Variants in GGA2 observed in about 807,000 individuals in gnomAD.
GGA2 encodes ADP-ribosylation factor-binding protein GGA2.
In GGA2, 48 loss-of-function variants were observed where a neutral mutation model predicts 79.5. The ratio of observed to expected loss-of-function variants is 0.60; its 90% CI spans 0.48 to 0.77. The LOEUF is 0.77. GGA2 is among the 30% of genes least tolerant of loss of function. The probability of loss-of-function intolerance (pLI) is 0.00; values close to 1 mark genes in which losing one functional copy is unlikely to be tolerated. For missense variants in GGA2, 770 were observed against 774.0 expected, an observed-to-expected ratio of 0.99 and a Z score of 0.06; for synonymous variants, 317 against 302.0, an observed-to-expected ratio of 1.05 and a Z score of -0.51.
intron 3 of GGA2, 28 bp downstream of exon 3, chr16:23,494,275 G>A: frequency 2.1e-6 from 3 of 1,453,954 alleles, no homozygotes; most frequent in Non-Finnish European, 2.9e-6. Flanking sequence ...GACAGGAAAG[G>A]TTAGGCTACA....
At chr16:23,509,835 CT>C (rs1057505987) in intron 1 of GGA2, among the ~76,000 whole-genome samples, 5 of 151,170 alleles carry the variant, frequency 3.3e-5, no homozygotes, top group African/African-American at 1.2e-4. Flanking sequence ...TAAAAAATTT[CT>C]TTTTGACGCG....
At chr16:23,489,178 G>A (rs1271859151) in intron 5 of GGA2, among the ~76,000 whole-genome samples, 1 of 152,168 alleles carries the variant, frequency 6.6e-6, no homozygotes, top group Non-Finnish European at 1.5e-5. Flanking sequence ...ACACAAAGGT[G>A]GGAACTATCA....
At chr16:23,496,457 C>T (rs781245596) in intron 1 of GGA2, among the ~76,000 whole-genome samples, 2 of 152,066 alleles carry the variant, frequency 1.3e-5, no homozygotes, top group Non-Finnish European at 2.9e-5. Flanking sequence ...AGAGAGGCCA[C>T]CTGGAAGTGT....
At chr16:23,470,438 T>C (rs1964495776) in intron 14 of GGA2, among the ~76,000 whole-genome samples, 3 of 152,120 alleles carry the variant, frequency 2.0e-5, no homozygotes, top group African/African-American at 2.4e-5. Context: ...ATACGATCAT[T>C]ATTAAAATAA....
At chr16:23,513,020 A>G (rs1448526354), upstream of GGA2, among the ~76,000 whole-genome samples, 1 of 152,008 alleles carries the variant, frequency 6.6e-6, no homozygotes, top group Admixed American at 6.6e-5. Context: ...AAAATCTTTA[A>G]TACATATTTA....
chr16:23,500,184 G>A (rs371717799), intron 1 of GGA2, among the ~76,000 whole-genome samples: 9 of 152,352 alleles, frequency 5.9e-5, no homozygotes, highest in African/African-American at 1.7e-4. Flanking sequence ...GGTGGGGTGC[G>A]GGCTGCTAGT....
In GGA2 at chr16:23,467,657, C is replaced by T. The variant is rs148356247; in HGVS notation, c.1775G>A (p.Gly592Glu). ...TTCTCCTACTTCGCTGAAAGGCTGT[C>T]CACCTTGGTTGAATGTCAGCTTGTA... ...LRYKLTFNQG[G>E]QPFSEVGEVK... The change falls in exon 17 of 17, where the codon GGA becomes GAA. Residue 592 changes from glycine to glutamate, a missense_variant. Gly to Glu is a moderately conservative substitution (Grantham distance 98). Coordinates refer to ENST00000309859, the MANE Select transcript of GGA2 (RefSeq NM_015044.4). 1 of 1,609,826 alleles carries T rather than the reference C, an allele frequency of 6.2e-7. No homozygotes were observed. Among genetic ancestry groups the T allele is most frequent in the Non-Finnish European group, 8.5e-7 (1 of 1,176,152 alleles).
intron 6 of GGA2, among the ~76,000 whole-genome samples, chr16:23,487,431 A>G (rs546382760): frequency 6.6e-6 from 1 of 152,276 alleles, no homozygotes; most frequent in African/African-American, 2.4e-5. Flanking sequence ...AACATCCTAC[A>G]GTGCACAGGA....
Position 23,491,724 on chromosome 16 carries a change from G to A in GGA2, c.428C>T (p.Pro143Leu), listed in dbSNP as rs758751355. 1.9e-6 allele frequency: 3 copies of A among 1,612,454 alleles called. No homozygotes were observed. The highest frequency in any genetic ancestry group is 1.1e-5 in the South Asian group (1 of 91,048). ...AGCGTCTCGAATCTTGATGTCTTCCGGAAACCAGACTGTCCAACTGAAGAG... is the reference window on the plus strand; with the variant it reads ...AGCGTCTCGAATCTTGATGTCTTCCAGAAACCAGACTGTCCAACTGAAGAG... ...EILFSWTVWF[P>L]EDIKIRDAYQ... Residue 143 changes from proline (P) to leucine (L), a missense_variant, in exon 5 of 17, where the codon CCG becomes CTG. Physicochemically the swap from Pro to Leu is moderately conservative, Grantham distance 98 (BLOSUM62 -3). Coordinates refer to ENST00000309859, the MANE Select transcript of GGA2 (RefSeq NM_015044.4).
In GGA2 at chr16:23,479,643, C is replaced by T. The variant is rs1052829882; in HGVS notation, c.1129+122G>A. On this transcript the variant is annotated intron_variant, in intron 11 of 16. Coordinates refer to ENST00000309859, the MANE Select transcript of GGA2 (RefSeq NM_015044.4). Reference sequence around the variant, plus strand: ...CGTGCTCCCAGAGGGAACCAGCTCACTCTTCCTATTCACAACCATCTCGAC... The same window carrying T: ...CGTGCTCCCAGAGGGAACCAGCTCATTCTTCCTATTCACAACCATCTCGAC... 6 of 1,169,292 alleles carry T rather than the reference C, an allele frequency of 5.1e-6. No individual in the cohort carries two copies. In the African/African-American group the frequency reaches 6.1e-5, roughly 12 times the overall value. The allele number at this position is 1,169,292 out of a possible 1,614,324, so 72.4% of individuals were successfully genotyped here. A position where few individuals can be genotyped will look rare whatever the true frequency, so the allele number is the denominator to read the frequency against.
At chr16:23,494,269 G>A (rs768656493) in intron 3 of GGA2, 34 bp downstream of exon 3, 2 of 1,385,230 alleles carry the variant, frequency 1.4e-6, no homozygotes, top group Admixed American at 1.7e-5. Context: ...CACAAGGACA[G>A]GAAAGGTTAG....
chr16:23,478,306 C>A (rs1964601940), intron 13 of GGA2, 62 bp downstream of exon 13: 1 of 1,392,466 alleles, frequency 7.2e-7, no homozygotes, highest in Non-Finnish European at 9.7e-7. Context: ...GGCCCTTGTC[C>A]CATGAGAAGG....
upstream of GGA2, among the ~76,000 whole-genome samples, chr16:23,513,700 A>G (rs1021665924): frequency 1.3e-5 from 2 of 150,168 alleles, no homozygotes; most frequent in African/African-American, 4.9e-5. Context: ...CAGGAGGACC[A>G]CTTGAGCCTG....
intron 13 of GGA2, among the ~76,000 whole-genome samples, chr16:23,476,402 A>G (rs1964577285): frequency 6.6e-6 from 1 of 152,184 alleles, no homozygotes; most frequent in South Asian, 2.1e-4. Flanking sequence ...GACAGGATCT[A>G]TGAAAATGTT....
chr16:23,466,769 CAAGT>C lies in GGA2; in HGVS notation c.*817_*820del, dbSNP rs1280761470. Reference sequence around the variant, plus strand: ...TGACATGGTGTGTCACAAAGAGCTCCAAGTAAATGCTGTGAAGGAAGAGGATGAG... The same window carrying C: ...TGACATGGTGTGTCACAAAGAGCTCCAAATGCTGTGAAGGAAGAGGATGAG... On this transcript the variant is annotated 3_prime_UTR_variant, in exon 17 of 17. Coordinates refer to ENST00000309859, the MANE Select transcript of GGA2 (RefSeq NM_015044.4). The C allele has an allele frequency of 6.5e-6, 1 of 152,918 alleles. No individual in the cohort carries two copies. The highest frequency in any genetic ancestry group is 1.9e-4 in the East Asian group (1 of 5,182). 9.5% of individuals were successfully genotyped at this position (152,918 alleles called of 1,614,324 possible). A position where few individuals can be genotyped will look rare whatever the true frequency, so the allele number is the denominator to read the frequency against.
chr16:23,469,856 T>C (rs1964487206), intron 15 of GGA2, 140 bp downstream of exon 15: 8 of 565,006 alleles, frequency 1.4e-5, no homozygotes, highest in Non-Finnish European at 2.4e-5. Flanking sequence ...CCCAGTCAGG[T>C]AAGCCATTAC....
chr16:23,521,011 T>C (rs1965137822), intron 1 of GGA2, among the ~76,000 whole-genome samples: 1 of 152,038 alleles, frequency 6.6e-6, no homozygotes, highest in South Asian at 2.1e-4. Flanking sequence ...AGGCTGGTCT[T>C]GAACTCCCGG....
At chr16:23,493,615 C>A (rs1351352544) in intron 3 of GGA2, 157 bp from the exon 4 acceptor site, 2 of 604,186 alleles carry the variant, frequency 3.3e-6, no homozygotes, top group Admixed American at 2.9e-5. Flanking sequence ...AGGACGTTTT[C>A]AGATCAAGAA....
Position 23,485,999 on chromosome 16 carries a change from G to A in GGA2, c.798+16C>T. On this transcript the variant is annotated intron_variant, in intron 8 of 16. Coordinates refer to ENST00000309859, the MANE Select transcript of GGA2 (RefSeq NM_015044.4). The stretch of plus-strand genomic sequence containing the variant: ...TTAGTAAACATGTGCAGCCCCCTGT[G>A]TTACACCTGTATTACCTGCAGGGCC... 1 of 1,612,508 alleles carries A rather than the reference G, an allele frequency of 6.2e-7. No individual in the cohort carries two copies. The highest frequency in any genetic ancestry group is 8.5e-7 in the Non-Finnish European group (1 of 1,179,046).
Sources: gnomAD v4.1 joint callset for allele counts (sites outside exome capture counted in the v4.1 genomes callset) on GRCh38, gnomAD v4.1.1 for gene constraint, MANE v1.5 for transcripts, NCBI Gene and HGNC (gene_info 2026-07-23, HGNC 2026-07-21) for gene names.